The following FRMD6 variants were observed in gnomAD, a reference collection of about 807,000 sequenced individuals.
FRMD6 encodes the protein FERM domain-containing protein 6.
In FRMD6, 37 loss-of-function variants were observed where a neutral mutation model predicts 73.2. The observed-to-expected ratio is 0.51, with a 90% CI of 0.39 to 0.66. The LOEUF is 0.66. Among genes scored for constraint, FRMD6 ranks in the 30% least tolerant of loss-of-function variants. FRMD6 has a pLI of 0.00. For synonymous variants in FRMD6, 273 were observed against 282.2 expected, an observed-to-expected ratio of 0.97 and a Z score of 0.33; for missense variants, 714 against 780.5, an observed-to-expected ratio of 0.91 and a Z score of 1.02.
At chr14:51,500,255 G>A (rs1205722089) in intron 1 of FRMD6, among the ~76,000 whole-genome samples, 1 of 152,196 alleles carries the variant, frequency 6.6e-6, no homozygotes, top group Non-Finnish European at 1.5e-5. Context: ...TAGGCCGGGC[G>A]TGGTGGCTTA....
At chr14:51,559,392 C>T (rs890738001) in intron 1 of FRMD6, among the ~76,000 whole-genome samples, 49 of 152,102 alleles carry the variant, frequency 3.2e-4, no homozygotes, top group African/African-American at 9.7e-4. Context: ...TCAGAGTGCA[C>T]GTTAACAAGC....
intron 2 of FRMD6, among the ~76,000 whole-genome samples, chr14:51,615,108 A>G (rs1890656549): frequency 6.6e-6 from 1 of 152,196 alleles, no homozygotes. Context: ...ATAAAAGGAA[A>G]CAAAAACTTT....
At chr14:51,403,782 A>G in the FRMD6 span, among the ~76,000 whole-genome samples, 3 of 152,194 alleles carry the variant, frequency 2.0e-5, no homozygotes, top group Non-Finnish European at 4.4e-5. Flanking sequence ...TTTTATTGTT[A>G]TATAAAATTG....
intron 1 of FRMD6, among the ~76,000 whole-genome samples, chr14:51,510,529 AC>A (rs1430504335): frequency 2.6e-5 from 4 of 152,174 alleles, no homozygotes; most frequent in African/African-American, 9.7e-5. Flanking sequence ...TTTTGTTCTA[AC>A]CCGTGACTTC....
At chr14:51,614,339 A>G (rs1256000702) in intron 2 of FRMD6, among the ~76,000 whole-genome samples, 4 of 152,194 alleles carry the variant, frequency 2.6e-5, no homozygotes, top group Non-Finnish European at 4.4e-5. Context: ...TGAGAATTCA[A>G]TCTTACGAAA....
intron 4 of FRMD6, among the ~76,000 whole-genome samples, chr14:51,701,756 TAA>T (rs1464252359): frequency 6.6e-6 from 1 of 151,654 alleles, no homozygotes; most frequent in Non-Finnish European, 1.5e-5. Context: ...ATAATGCTTT[TAA>T]ATGAAAAGTA....
chr14:51,545,150 CA>C (rs755378703), intron 1 of FRMD6, among the ~76,000 whole-genome samples: 180 of 152,164 alleles, frequency 1.2e-3, no homozygotes, highest in Non-Finnish European at 2.1e-3. Context: ...CAGTTATCTT[CA>C]AAACATTCTG....
At chr14:51,646,745 G>A (rs1431229579) in intron 2 of FRMD6, among the ~76,000 whole-genome samples, 1 of 151,134 alleles carries the variant, frequency 6.6e-6, no homozygotes, top group Non-Finnish European at 1.5e-5. Flanking sequence ...TCTATCTTCA[G>A]TCTTCTGTAT....
At position 51,498,815 on chromosome 14, in the gene FRMD6, G is replaced by A. The variant is rs553090524; in HGVS notation, c.-210+9395G>A. On this transcript the variant is annotated intron_variant, in intron 1 of 14. Transcript: ENST00000356218. The stretch of plus-strand genomic sequence containing the variant: ...CAAGGGCATGGATCCTGGGAGGCAT[G>A]ATGAGTTGGGGAATAATTAATGTAA... Among the ~76,000 whole-genome samples, 18 of 152,332 alleles carry A rather than the reference G, an allele frequency of 1.2e-4. No individual in the cohort carries two copies. The South Asian group carries it at 2.3e-3, about 19-fold the overall frequency.
chr14:51,415,081 A>C, the FRMD6 span, among the ~76,000 whole-genome samples: 1 of 152,208 alleles, frequency 6.6e-6, no homozygotes, highest in Non-Finnish European at 1.5e-5. Flanking sequence ...TAAATATACA[A>C]TCATGTCATC....
upstream of FRMD6, among the ~76,000 whole-genome samples, chr14:51,485,554 C>G (rs1043062205): frequency 6.6e-6 from 1 of 152,202 alleles, no homozygotes; most frequent in Non-Finnish European, 1.5e-5. Context: ...TACACCATTC[C>G]TGTTTGAGGA....
rs140972534 is a variant in FRMD6, at chr14:51,681,976, C to T, written c.-146-7715C>T. 8.2e-3 allele frequency among the ~76,000 whole-genome samples: 1,244 copies of T among 152,206 alleles called. 11 individuals carry two copies. The highest frequency in any genetic ancestry group is 0.011 in the Non-Finnish European group (761 of 67,988). ...TACAATACAATAAAAGCATATTCTG[C>T]GTGATTCTGTAAAACACATTGTGGT... On this transcript the variant is annotated intron_variant, in intron 1 of 13. Coordinates refer to ENST00000344768, the MANE Select transcript of FRMD6 (RefSeq NM_001267046.2).
the FRMD6 span, among the ~76,000 whole-genome samples, chr14:51,427,877 A>G: frequency 0.088 from 13,430 of 152,248 alleles, 622 homozygotes; most frequent in East Asian, 0.12. Context: ...TTCTTCCCCA[A>G]AGACCTGGTT....
At chr14:51,409,527 T>G in the FRMD6 span, among the ~76,000 whole-genome samples, 19 of 152,162 alleles carry the variant, frequency 1.2e-4, no homozygotes, top group Admixed American at 2.0e-4. Context: ...AACTTCAGGC[T>G]TTAATTCTTG....
chr14:51,424,054 C>CT, the FRMD6 span, among the ~76,000 whole-genome samples: 1 of 152,090 alleles, frequency 6.6e-6, no homozygotes, highest in Admixed American at 6.5e-5. Flanking sequence ...ATGGTTTAGG[C>CT]AACTGAAAAA....
intron 1 of FRMD6, among the ~76,000 whole-genome samples, chr14:51,550,334 G>A (rs181319836): frequency 3.9e-5 from 6 of 152,138 alleles, no homozygotes; most frequent in African/African-American, 1.4e-4. Context: ...GGCCTCCCTG[G>A]GCTCAAGTGA....
At chr14:51,461,013 C>A in the FRMD6 span, among the ~76,000 whole-genome samples, 1 of 152,108 alleles carries the variant, frequency 6.6e-6, no homozygotes, top group African/African-American at 2.4e-5. Context: ...ATAGTGGAAA[C>A]CCCTTGGTCA....
At chr14:51,696,594 TAGACAAAATAA>T (rs1895953946) in intron 2 of FRMD6, among the ~76,000 whole-genome samples, 1 of 151,854 alleles carries the variant, frequency 6.6e-6, no homozygotes, top group Non-Finnish European at 1.5e-5. Flanking sequence ...AAAAATATAT[TAGACAAAATAA>T]CAGTGATAAA....
the FRMD6 span, among the ~76,000 whole-genome samples, chr14:51,449,939 G>A: frequency 6.6e-6 from 1 of 152,298 alleles, no homozygotes; most frequent in East Asian, 1.9e-4. Flanking sequence ...ATTCCTGATG[G>A]CAGCGATTTC....
Sources: allele counts gnomAD v4.1 joint callset (sites outside exome capture counted in the v4.1 genomes callset), GRCh38; gene constraint gnomAD v4.1.1; transcripts MANE v1.5; gene names NCBI Gene and HGNC (gene_info 2026-07-23, HGNC 2026-07-21).